Variants in RCC1L observed in about 807,000 individuals in gnomAD.
RCC1L encodes the protein RCC1-like G exchanging factor-like protein.
RCC1L carries 46 observed loss-of-function variants against 58.6 expected under a neutral mutation model. The observed-to-expected ratio is 0.79, with a 90% confidence interval of 0.62 to 1.00. RCC1L has a LOEUF of 1.00. Ranked by LOEUF, RCC1L falls within the 50% of genes least tolerant of loss-of-function variation. RCC1L has a pLI of 0.00. For synonymous variants in RCC1L, 281 were observed against 262.9 expected, an observed-to-expected ratio of 1.07 and a Z score of -0.67; for missense variants, 636 against 623.6, an observed-to-expected ratio of 1.02 and a Z score of -0.21.
chr7:75,055,743 C>A (rs1806055904), intron 9 of RCC1L, 158 bp downstream of exon 9: 2 of 835,208 alleles, frequency 2.4e-6, no homozygotes, highest in Non-Finnish European at 3.9e-6. Context: ...AACCTCGAGG[C>A]AAACAACTTC....
intron 6 of RCC1L, among the ~76,000 whole-genome samples, chr7:75,059,953 T>C (rs1806220202): frequency 6.6e-6 from 1 of 151,886 alleles, no homozygotes; most frequent in African/African-American, 2.4e-5. Context: ...TTAGTAGAGA[T>C]GGGTTTTACC....
At chr7:75,064,328 CAAA>C (rs71519353) in intron 4 of RCC1L, among the ~76,000 whole-genome samples, 300 of 135,954 alleles carry the variant, frequency 2.2e-3, no homozygotes, top group Middle Eastern at 3.7e-3. Flanking sequence ...GAGTCCATCT[CAAA>C]AAAAAAAAAA....
Position 75,064,446 on chromosome 7 carries a change from CA to C in RCC1L, c.650+135del, listed in dbSNP as rs1174099135. 367 of 904,374 alleles carry C rather than the reference CA, an allele frequency of 4.1e-4. 2 individuals are homozygous for C. The highest frequency in any genetic ancestry group is 3.1e-5 in the Non-Finnish European group (17 of 548,742). 56.0% of individuals were successfully genotyped at this position (904,374 alleles called of 1,614,324 possible). ...CAACCTGAAACAGACAGCACTCCCC[CA>C]GCTTTCTGCTGAGTTCTCACGGCCC... On this transcript the variant is annotated intron_variant, in intron 4 of 10. Coordinates refer to ENST00000610322, the MANE Select transcript of RCC1L (RefSeq NM_030798.5).
intron 3 of RCC1L, among the ~76,000 whole-genome samples, chr7:75,066,017 C>CAA (rs587689104): frequency 0.03 from 4,165 of 138,724 alleles, 168 homozygotes; most frequent in African/African-American, 0.088. Flanking sequence ...GACTCTGTCT[C>CAA]AAAAAAAAAA....
chr7:75,071,098 T>C (rs1554446020), intron 1 of RCC1L, among the ~76,000 whole-genome samples: 1 of 152,162 alleles, frequency 6.6e-6, no homozygotes, highest in East Asian at 1.9e-4. Context: ...TCAAGTGATC[T>C]GTCCGCCTTG....
chr7:75,028,590 G>A (rs1298425166), intron 10 of RCC1L, among the ~76,000 whole-genome samples: 1 of 152,112 alleles, frequency 6.6e-6, no homozygotes, highest in Non-Finnish European at 1.5e-5. Flanking sequence ...AGGATGGGGA[G>A]GAACAGAGCA....
At chr7:75,044,685 C>T (rs1805668070) in intron 10 of RCC1L, among the ~76,000 whole-genome samples, 2 of 146,232 alleles carry the variant, frequency 1.4e-5, no homozygotes, top group East Asian at 4.2e-4. Flanking sequence ...GAACTGAAAA[C>T]TACTTTTAAC....
chr7:75,052,993 C>T (rs1381969171), intron 9 of RCC1L, among the ~76,000 whole-genome samples, 197 bp from the exon 10 acceptor site: 1 of 150,940 alleles, frequency 6.6e-6, no homozygotes, highest in Non-Finnish European at 1.5e-5. Context: ...AAAACACATC[C>T]ACGGCCAGGA....
chr7:75,073,577 C>T lies in RCC1L; in HGVS notation c.161G>A (p.Arg54His). 1 of 1,512,946 alleles carries T rather than the reference C, an allele frequency of 6.6e-7. No homozygotes were observed. Among genetic ancestry groups the T allele is most frequent in the Non-Finnish European group, 8.8e-7 (1 of 1,140,312 alleles). 93.7% of individuals were successfully genotyped at this position (1,512,946 alleles called of 1,614,324 possible). A position where few individuals can be genotyped will look rare whatever the true frequency, so the allele number is the denominator to read the frequency against. The change falls in exon 1 of 11, where the codon CGC becomes CAC. Residue 54 changes from arginine (R) to histidine (H), a missense_variant. By Grantham distance (29) the Arg-to-His change is conservative (BLOSUM62 0). Transcript: ENST00000610322. ...GAAGACGCGATCGGCGCGGGCAGCG[C>T]GCTCGCCCACGTACTGGACCACGGG... ...EVPVVQYVGE[R>H]AARADRVFVW...
intron 8 of RCC1L, 45 bp from the exon 9 acceptor site, chr7:75,056,119 G>C (rs1554443914): frequency 5.6e-6 from 9 of 1,608,948 alleles, no homozygotes; most frequent in Middle Eastern, 1.7e-4. Flanking sequence ...ATCCAAGTAA[G>C]AACCTCCCTC....
chr7:75,036,739 T>C (rs1805437698), intron 10 of RCC1L, among the ~76,000 whole-genome samples: 1 of 151,850 alleles, frequency 6.6e-6, no homozygotes. Context: ...ACTAAAAATA[T>C]TAAGACAAAA....
intron 10 of RCC1L, among the ~76,000 whole-genome samples, chr7:75,044,372 G>A (rs1805654524): frequency 6.6e-6 from 1 of 151,904 alleles, no homozygotes; most frequent in Non-Finnish European, 1.5e-5. Flanking sequence ...AGGCTGAGGT[G>A]GACTCCACTT....
intron 9 of RCC1L, among the ~76,000 whole-genome samples, chr7:75,053,818 C>T (rs1015406711): frequency 1.0e-3 from 158 of 152,200 alleles, no homozygotes; most frequent in African/African-American, 3.6e-3. Context: ...TGATGAAGTA[C>T]GGAATAATTA....
downstream of RCC1L, among the ~76,000 whole-genome samples, chr7:75,040,540 T>C (rs1466887521): frequency 1.3e-5 from 2 of 151,840 alleles, no homozygotes; most frequent in Admixed American, 1.3e-4. Context: ...AAACTCACCT[T>C]CTCCAGAGAC....
intron 8 of RCC1L, chr7:75,056,442 T>C: frequency 1.5e-6 from 2 of 1,329,376 alleles, no homozygotes; most frequent in Non-Finnish European, 2.0e-6. Flanking sequence ...CAGCTCTGTG[T>C]TTCACACTGA....
chr7:75,027,728 CAG>C (rs1361716639), exon 11 of RCC1L: 3 of 428,150 alleles, frequency 7.0e-6, no homozygotes, highest in Non-Finnish European at 1.3e-5. Flanking sequence ...TCCTCGGTCA[CAG>C]GGGGCCCCTT....
Position 75,053,114 on chromosome 7 carries a change from C to T in RCC1L, c.1232-318G>A, listed in dbSNP as rs1261464459. Among the ~76,000 whole-genome samples the T allele has an allele frequency of 5.8e-3, 447 of 77,332 alleles. 2 individuals carry two copies. The highest frequency in any genetic ancestry group is 0.019 in the African/African-American group (386 of 19,906). The allele number at this position is 77,332 out of a possible 152,430, so 50.7% of individuals were successfully genotyped here. The stretch of plus-strand genomic sequence containing the variant: ...GGAGCTGGGGTCTGGGGGTGGTGCA[C>T]GGGGCTGGGGGTGGTGCATGGAGCT... On this transcript the variant is annotated intron_variant, in intron 9 of 10. Transcript: ENST00000610322.
chr7:75,046,041 G>A (rs1739430388), intron 10 of RCC1L, among the ~76,000 whole-genome samples: 16 of 152,370 alleles, frequency 1.1e-4, no homozygotes, highest in Non-Finnish European at 1.5e-5. Context: ...CAGATGGCCT[G>A]GCCCTAAAAG....
chr7:75,032,687 C>T (rs1174587003), intron 10 of RCC1L, among the ~76,000 whole-genome samples: 2 of 152,228 alleles, frequency 1.3e-5, no homozygotes, highest in East Asian at 3.9e-4. Flanking sequence ...GAATATTCTT[C>T]CATCACCCTG....
Sources: gnomAD v4.1 joint callset for allele counts (sites outside exome capture counted in the v4.1 genomes callset) on GRCh38, gnomAD v4.1.1 for gene constraint, MANE v1.5 for transcripts, NCBI Gene and HGNC (gene_info 2026-07-23, HGNC 2026-07-21) for gene names.